Variants in PARD3B observed in about 807,000 individuals in gnomAD.
The protein encoded by PARD3B is par-3 family cell polarity regulator beta.
In PARD3B, 103 loss-of-function variants were observed where a neutral mutation model predicts 130.2. The observed-to-expected ratio is 0.79, with a 90% CI of 0.67 to 0.93. The LOEUF is 0.93. Among genes scored for constraint, PARD3B ranks in the 40% least tolerant of loss-of-function variants. The pLI is 0.00. For missense variants in PARD3B, 1,609 were observed against 1,499.2 expected (o/e 1.07, Z -1.21); for synonymous variants, 583 against 553.2 (o/e 1.05, Z -0.76).
chr2:205,509,743 C>T (rs996462896), intron 21 of PARD3B, among the ~76,000 whole-genome samples: 6 of 152,224 alleles, frequency 3.9e-5, no homozygotes, highest in Non-Finnish European at 5.9e-5. Flanking sequence ...TCTGTTTCCA[C>T]GTATGGAGCC....
intron 2 of PARD3B, among the ~76,000 whole-genome samples, chr2:204,892,572 C>A (rs1365630845): frequency 6.6e-6 from 1 of 152,092 alleles, no homozygotes; most frequent in South Asian, 2.1e-4. Context: ...AAAGTGAAAT[C>A]ATCTGATATA....
chr2:205,578,246 T>C (rs1018645588), intron 22 of PARD3B, among the ~76,000 whole-genome samples: 3 of 152,208 alleles, frequency 2.0e-5, no homozygotes, highest in Non-Finnish European at 4.4e-5. Flanking sequence ...TTAGATCAGG[T>C]AAGCTTCTGT....
intron 3 of PARD3B, among the ~76,000 whole-genome samples, chr2:204,976,603 ATTTTTTT>A (rs35902126): frequency 1.2e-5 from 1 of 83,206 alleles, no homozygotes. Flanking sequence ...TAGGTAATTG[ATTTTTTT>A]TTTTTTTTTT....
chr2:205,006,655 G>A (rs958028753), intron 3 of PARD3B, among the ~76,000 whole-genome samples: 1 of 151,972 alleles, frequency 6.6e-6, no homozygotes, highest in Non-Finnish European at 1.5e-5. Context: ...TTTTTGATGG[G>A]ATTATTTGTT....
Position 205,585,783 on chromosome 2 carries a change from T to C in PARD3B, c.3261-29673T>C, listed in dbSNP as rs554385753. On this transcript the variant is annotated intron_variant, in intron 22 of 22. Coordinates refer to ENST00000406610, the MANE Select transcript of PARD3B (RefSeq NM_001302769.2). This position sits in a 1 kb window ranked among gnomAD's most constrained non-coding sequence, Gnocchi z 5.4. ...CCCCACCACATTTCAGGAAGGGCTT[T>C]GAACTGGATTTCGGTAGCTTTGTGG... Among the ~76,000 whole-genome samples the C allele has an allele frequency of 6.6e-6, 1 of 152,296 alleles. No homozygotes were observed. The highest frequency in any genetic ancestry group is 2.1e-4 in the South Asian group (1 of 4,820).
intron 1 of PARD3B, among the ~76,000 whole-genome samples, chr2:204,600,581 G>C (rs947216670): frequency 6.6e-6 from 1 of 151,824 alleles, no homozygotes; most frequent in Non-Finnish European, 1.5e-5. Context: ...AGTATATTTT[G>C]AAGTCTGGTA....
At chr2:204,693,728 G>T (rs2037459768) in intron 2 of PARD3B, among the ~76,000 whole-genome samples, 1 of 152,044 alleles carries the variant, frequency 6.6e-6, no homozygotes, top group Non-Finnish European at 1.5e-5. Context: ...AACCGCAGTG[G>T]TGGCGAAACT....
intron 3 of PARD3B, among the ~76,000 whole-genome samples, chr2:205,000,935 A>G (rs954180073): frequency 1.3e-5 from 2 of 152,078 alleles, no homozygotes; most frequent in African/African-American, 4.8e-5. Context: ...TTTTGCAGGT[A>G]GAAGCCTGTA....
intron 18 of PARD3B, among the ~76,000 whole-genome samples, chr2:205,353,810 A>T (rs1441788312): frequency 1.3e-5 from 2 of 152,062 alleles, no homozygotes; most frequent in Non-Finnish European, 2.9e-5. Flanking sequence ...ACATAGTGAA[A>T]ATCACCAAAA....
intron 2 of PARD3B, among the ~76,000 whole-genome samples, chr2:204,712,367 C>T (rs1265925802): frequency 6.6e-6 from 1 of 152,070 alleles, no homozygotes; most frequent in Non-Finnish European, 1.5e-5. Flanking sequence ...AATCCCAGCA[C>T]TTTAGGAGAC....
At chr2:204,996,648 G>C (rs1228038824) in intron 3 of PARD3B, among the ~76,000 whole-genome samples, 4 of 150,326 alleles carry the variant, frequency 2.7e-5, no homozygotes, top group Admixed American at 1.3e-4. Flanking sequence ...ACCTAAGCAA[G>C]CCTGGGCAAT....
chr2:204,697,775 T>C (rs2037685631), intron 2 of PARD3B, among the ~76,000 whole-genome samples: 1 of 152,090 alleles, frequency 6.6e-6, no homozygotes, highest in Admixed American at 6.6e-5. Context: ...TATGGTTCAG[T>C]GCATGTGACT....
At chr2:205,338,168 A>C (rs1033687769) in intron 18 of PARD3B, among the ~76,000 whole-genome samples, 2 of 151,262 alleles carry the variant, frequency 1.3e-5, no homozygotes, top group African/African-American at 2.4e-5. Flanking sequence ...AAAAAAAAAA[A>C]AAAAAAAAAA....
At chr2:205,320,246 A>G (rs898509173) in intron 18 of PARD3B, among the ~76,000 whole-genome samples, 3 of 142,674 alleles carry the variant, frequency 2.1e-5, no homozygotes, top group African/African-American at 9.0e-5. Context: ...GAAGGAATGA[A>G]GGAAGGAAGG....
rs896883288 is a variant in PARD3B, at chr2:205,146,646, G to T, written c.1435-12076G>T. Among the ~76,000 whole-genome samples, 1 of 151,010 alleles carries T rather than the reference G, an allele frequency of 6.6e-6. No homozygotes were observed. The highest frequency in any genetic ancestry group is 1.5e-5 in the Non-Finnish European group (1 of 67,748). On this transcript the variant is annotated intron_variant, in intron 10 of 22. Coordinates refer to ENST00000406610, the MANE Select transcript of PARD3B (RefSeq NM_001302769.2). The surrounding 1 kb of genome is among the most constrained non-coding windows in gnomAD (Gnocchi z 4.3). ...AGCCTGGGCGACAGAGCGAGACTCCGCCTCAAAAAAAAAAATTGTTACATC... is the reference window on the plus strand; with the variant it reads ...AGCCTGGGCGACAGAGCGAGACTCCTCCTCAAAAAAAAAAATTGTTACATC...
chr2:204,648,010 T>C (rs2035332701), intron 1 of PARD3B, among the ~76,000 whole-genome samples: 1 of 151,632 alleles, frequency 6.6e-6, no homozygotes, highest in South Asian at 2.1e-4. Context: ...TTTTTGTGTA[T>C]ATTTGGAGAA....
intron 10 of PARD3B, among the ~76,000 whole-genome samples, chr2:205,154,242 G>GA (rs964235093): frequency 5.3e-5 from 8 of 152,168 alleles, no homozygotes; most frequent in African/African-American, 1.9e-4. Context: ...TGAAGGATAT[G>GA]AAAAAACACT....
rs374426059 is a variant in PARD3B at position 205,592,799 on chromosome 2, C to T, written c.3261-22657C>T. Among the ~76,000 whole-genome samples, 1 of 152,306 alleles carries T rather than the reference C, an allele frequency of 6.6e-6. No individual in the cohort carries two copies. Among genetic ancestry groups the T allele is most frequent in the African/African-American group, 2.4e-5 (1 of 41,582 alleles). On this transcript the variant is annotated intron_variant, in intron 22 of 22. Coordinates refer to ENST00000406610, the MANE Select transcript of PARD3B (RefSeq NM_001302769.2). This position sits in a 1 kb window ranked among gnomAD's most constrained non-coding sequence, Gnocchi z 4.5. ...AAGTACAGATGGCCAAATCAAGAAC[C>T]TTTCTCTTGGCCTCTGAGCTACTTG... is the stretch of plus-strand genomic sequence containing the variant.
At chr2:204,631,599 T>G (rs978221668) in intron 1 of PARD3B, among the ~76,000 whole-genome samples, 5 of 152,234 alleles carry the variant, frequency 3.3e-5, no homozygotes, top group Non-Finnish European at 7.3e-5. Flanking sequence ...ATTGAGGCGT[T>G]TAGCCCATTT....
Sources: gnomAD v4.1 joint callset for allele counts (sites outside exome capture counted in the v4.1 genomes callset) on GRCh38, gnomAD v4.1.1 for gene constraint, Gnocchi (gnomAD v3.1) non-coding constraint, MANE v1.5 for transcripts, NCBI Gene and HGNC (gene_info 2026-07-23, HGNC 2026-07-21) for gene names.